CDC14A: variants seen among roughly 807,000 people sequenced by gnomAD.
CDC14A encodes the protein cell division cycle 14A, also known as dual specificity protein phosphatase CDC14A.
In CDC14A, 53 loss-of-function variants were observed where a neutral mutation model predicts 74.4. The ratio of observed to expected loss-of-function variants is 0.71; its 90% CI spans 0.57 to 0.89. The LOEUF (loss-of-function observed/expected upper bound fraction) is 0.89, where lower values mean the gene tolerates loss of function less well. Ranked by LOEUF, CDC14A falls within the 40% of genes least tolerant of loss-of-function variation. The pLI is 0.00. For synonymous variants in CDC14A, 247 were observed against 258.4 expected (o/e 0.96, Z 0.43); for missense variants, 646 against 713.7 (o/e 0.91, Z 1.08).
At chr1:100,400,422 G>A (rs1280020124) in intron 4 of CDC14A, among the ~76,000 whole-genome samples, 1 of 152,142 alleles carries the variant, frequency 6.6e-6, no homozygotes, top group Non-Finnish European at 1.5e-5. Flanking sequence ...TATATTAGAT[G>A]TCAGCTACTA....
At chr1:100,369,037 T>G (rs551832551) in intron 2 of CDC14A, among the ~76,000 whole-genome samples, 1 of 152,290 alleles carries the variant, frequency 6.6e-6, no homozygotes, top group Admixed American at 6.5e-5. Context: ...TGGACTAATT[T>G]AGATTCCCGC....
intron 3 of CDC14A, among the ~76,000 whole-genome samples, chr1:100,385,307 A>G (rs941351693): frequency 2.0e-5 from 3 of 152,220 alleles, no homozygotes; most frequent in African/African-American, 4.8e-5. Flanking sequence ...TGTCAGCATT[A>G]CTGGAAAACC....
At chr1:100,448,002 G>A (rs1044323676) in intron 7 of CDC14A, among the ~76,000 whole-genome samples, 2 of 152,202 alleles carry the variant, frequency 1.3e-5, no homozygotes, top group Admixed American at 6.5e-5. Context: ...GCTTGCCATG[G>A]TTTGATGATG....
chr1:100,390,692 C>T lies in CDC14A; in HGVS notation c.217-40C>T, dbSNP rs200908835. On this transcript the variant is annotated intron_variant, in intron 3 of 15. Coordinates refer to ENST00000336454, the MANE Select transcript of CDC14A (RefSeq NM_003672.4). Reference sequence around the variant, plus strand: ...TGCCTTCTGTATATGTTAACTTTGTCTCTATGGTTACACTAACTCTTTTTA... The same window carrying T: ...TGCCTTCTGTATATGTTAACTTTGTTTCTATGGTTACACTAACTCTTTTTA... The T allele has an allele frequency of 9.8e-5, 127 of 1,300,114 alleles. No individual in the cohort carries two copies. The East Asian group carries it at 2.9e-3, about 29-fold the overall frequency. 80.5% of individuals were successfully genotyped at this position (1,300,114 alleles called of 1,614,324 possible).
intron 4 of CDC14A, among the ~76,000 whole-genome samples, chr1:100,406,446 T>G (rs995874410): frequency 1.3e-5 from 2 of 152,228 alleles, no homozygotes; most frequent in Non-Finnish European, 2.9e-5. Context: ...CATCATGAAG[T>G]CTTTGCCCCC....
chr1:100,481,207 C>G (rs1279144454), intron 10 of CDC14A: 1 of 152,284 alleles, frequency 6.6e-6, no homozygotes, highest in Non-Finnish European at 1.5e-5. Context: ...TAGAGTAGGC[C>G]TAGGCCAAGC....
chr1:100,434,803 AC>A (rs373620950), intron 5 of CDC14A, among the ~76,000 whole-genome samples: 2 of 152,230 alleles, frequency 1.3e-5, no homozygotes, highest in East Asian at 3.9e-4. Flanking sequence ...CATCTTTAAG[AC>A]ACCCGAACGG....
chr1:100,499,508 T>A, intron 15 of CDC14A: 2 of 1,271,494 alleles, frequency 1.6e-6, no homozygotes, highest in Non-Finnish European at 2.1e-6. Context: ...CAACTCCTTT[T>A]TAAGTAGTTT....
chr1:100,453,917 C>T (rs965376466), intron 7 of CDC14A, among the ~76,000 whole-genome samples: 11 of 152,228 alleles, frequency 7.2e-5, no homozygotes, highest in Non-Finnish European at 1.2e-4. Flanking sequence ...GCTGGGATTA[C>T]AGGCGCGAGC....
In CDC14A at chr1:100,439,980, T is replaced by G. The variant is rs1664749240; in HGVS notation, c.438T>G (p.Cys146Trp). The G allele has an allele frequency of 1.2e-6, 2 of 1,612,926 alleles. No homozygotes were observed. Among genetic ancestry groups the G allele is most frequent in the Non-Finnish European group, 1.7e-6 (2 of 1,179,082 alleles). The change falls in exon 6 of 16, where the codon TGT (cysteine) becomes TGG (tryptophan). Residue 146 changes from cysteine to tryptophan, a missense_variant. Coordinates refer to ENST00000336454, the MANE Select transcript of CDC14A (RefSeq NM_003672.4). Reference sequence around the variant, plus strand: ...CTTACAATCTCACCATTCTCGACTGTTTGCAGGGAATCAGAAAGGTAATAA... The same window carrying G: ...CTTACAATCTCACCATTCTCGACTGGTTGCAGGGAATCAGAAAGGTAATAA... ...NCTYNLTILD[C>W]LQGIRKGLQH...
chr1:100,424,040 C>T (rs968856728), intron 4 of CDC14A, 182 bp from the exon 5 acceptor site: 5 of 549,786 alleles, frequency 9.1e-6, no homozygotes, highest in African/African-American at 1.9e-5. Flanking sequence ...ATGGAGAAGA[C>T]AAAGGCTGCT....
At chr1:100,495,021 T>C (rs937932345) in intron 12 of CDC14A, 91 bp downstream of exon 12, 1 of 688,248 alleles carries the variant, frequency 1.5e-6, no homozygotes, top group Non-Finnish European at 2.5e-6. Context: ...TCTTCTGTTT[T>C]GAATTTTGTT....
At chr1:100,466,317 A>G (rs765818313) in intron 9 of CDC14A, among the ~76,000 whole-genome samples, 12 of 152,162 alleles carry the variant, frequency 7.9e-5, no homozygotes, top group Non-Finnish European at 1.3e-4. Flanking sequence ...CTGCTCCAGG[A>G]TGTCACCTGT....
chr1:100,457,692 C>T (rs1333313643), intron 8 of CDC14A, among the ~76,000 whole-genome samples: 1 of 150,170 alleles, frequency 6.7e-6, no homozygotes, highest in Admixed American at 6.7e-5. Flanking sequence ...TGGTCTTGAA[C>T]TGCTGGGCTC....
chr1:100,357,835 T>C (rs1166281773), intron 2 of CDC14A, among the ~76,000 whole-genome samples: 2 of 152,134 alleles, frequency 1.3e-5, no homozygotes, highest in Non-Finnish European at 2.9e-5. Context: ...GTAGACTCTT[T>C]AAATATTAGG....
intron 4 of CDC14A, among the ~76,000 whole-genome samples, chr1:100,395,165 T>C (rs1658297192): frequency 6.6e-6 from 1 of 152,240 alleles, no homozygotes; most frequent in East Asian, 1.9e-4. Flanking sequence ...GACAAACCTT[T>C]TTCTCAAAGC....
intron 5 of CDC14A, among the ~76,000 whole-genome samples, chr1:100,436,289 G>A (rs1295883311): frequency 2.6e-5 from 4 of 152,102 alleles, no homozygotes; most frequent in Admixed American, 6.5e-5. Context: ...CAAAATGGGA[G>A]GGAATGTTGC....
intron 4 of CDC14A, among the ~76,000 whole-genome samples, chr1:100,397,497 A>C (rs1476677236): frequency 6.6e-6 from 1 of 152,196 alleles, no homozygotes; most frequent in Non-Finnish European, 1.5e-5. Context: ...GGTTCTTGCC[A>C]TGTGCTTAAA....
intron 2 of CDC14A, among the ~76,000 whole-genome samples, chr1:100,366,013 G>A (rs1057319178): frequency 2.6e-4 from 39 of 150,906 alleles, no homozygotes; most frequent in African/African-American, 9.1e-4. Flanking sequence ...TGCTATTTTA[G>A]CATTTATCAC....
Sources: allele counts gnomAD v4.1 joint callset (sites outside exome capture counted in the v4.1 genomes callset), GRCh38; gene constraint gnomAD v4.1.1; transcripts MANE v1.5; gene names NCBI Gene and HGNC (gene_info 2026-07-23, HGNC 2026-07-21).